Variants in PRKN observed in about 807,000 individuals in gnomAD.
PRKN encodes the protein E3 ubiquitin-protein ligase parkin.
PRKN carries 56 observed loss-of-function variants against 59.5 expected under a neutral mutation model. That is an observed-to-expected ratio of 0.94 (90% CI 0.76 to 1.18). The LOEUF (loss-of-function observed/expected upper bound fraction) is 1.18, where lower values mean the gene tolerates loss of function less well. PRKN is among the 50% of genes most tolerant of loss of function. The pLI, the probability that PRKN is intolerant of heterozygous loss-of-function variation, is 0.00. For missense variants in PRKN, 657 were observed against 596.4 expected (o/e 1.10, Z -1.06); for synonymous variants, 250 against 222.1 (o/e 1.13, Z -1.12).
chr6:161,584,525 T>G lies in PRKN; in HGVS notation c.872-15109A>C, dbSNP rs1781456526. On this transcript the variant is annotated intron_variant, in intron 7 of 11. Coordinates refer to ENST00000366898, the MANE Select transcript of PRKN (RefSeq NM_004562.3). The surrounding 1 kb of genome is among the most constrained non-coding windows in gnomAD (Gnocchi z 4.8). The stretch of plus-strand genomic sequence containing the variant: ...GCTGGCCTGTTATTAGAAGAAAATC[T>G]TTTAACATATCCCCCTTACACTTGC... Among the ~76,000 whole-genome samples, 2 of 152,242 alleles carry G rather than the reference T, an allele frequency of 1.3e-5. No homozygotes were observed. The highest frequency in any genetic ancestry group is 6.5e-5 in the Admixed American group (1 of 15,276).
chr6:161,588,244 C>T lies in PRKN; in HGVS notation c.872-18828G>A, dbSNP rs973179989. Among the ~76,000 whole-genome samples, 3 of 151,980 alleles carry T rather than the reference C, an allele frequency of 2.0e-5. No individual in the cohort carries two copies. The highest frequency in any genetic ancestry group is 4.8e-5 in the African/African-American group (2 of 41,382). On this transcript the variant is annotated intron_variant, in intron 7 of 11. Transcript: ENST00000366898. This position sits in a 1 kb window ranked among gnomAD's most constrained non-coding sequence, Gnocchi z 5.0. ...ACTAAAAATGCAAAAATCAGCCAGG[C>T]GTGGTGGCTCATGCCTATAATCCCA...
At chr6:162,336,927 C>G (rs1783871763) in intron 2 of PRKN, among the ~76,000 whole-genome samples, 1 of 152,168 alleles carries the variant, frequency 6.6e-6, no homozygotes, top group East Asian at 1.9e-4. Flanking sequence ...GAGAACATAT[C>G]TACTCTCAGA....
At chr6:161,699,243 G>A (rs1786149246) in intron 7 of PRKN, among the ~76,000 whole-genome samples, 1 of 152,146 alleles carries the variant, frequency 6.6e-6, no homozygotes, top group Non-Finnish European at 1.5e-5. Flanking sequence ...TGGAGGAAAT[G>A]GAACCCTGAT....
At chr6:162,340,500 A>G (rs6926154) in intron 2 of PRKN, among the ~76,000 whole-genome samples, 1,856 of 152,312 alleles carry the variant, frequency 0.012, 37 homozygotes, top group African/African-American at 0.042. Context: ...CTGAAAATTA[A>G]CTGTGTAGTT....
intron 6 of PRKN, among the ~76,000 whole-genome samples, chr6:161,810,728 T>C (rs1219149785): frequency 6.6e-6 from 1 of 152,198 alleles, no homozygotes; most frequent in Non-Finnish European, 1.5e-5. Context: ...GACAAGTAAT[T>C]ATTAAGCATA....
chr6:162,165,776 T>C lies in PRKN; in HGVS notation c.534+35355A>G, dbSNP rs151013348. 2.6e-4 allele frequency among the ~76,000 whole-genome samples: 33 copies of C among 128,356 alleles called. 2 individuals are homozygous for C. Among genetic ancestry groups the C allele is most frequent in the East Asian group, 6.1e-4 (3 of 4,952 alleles). The allele number at this position is 128,356 out of a possible 152,430, so 84.2% of individuals were successfully genotyped here. A position where few individuals can be genotyped will look rare whatever the true frequency, so the allele number is the denominator to read the frequency against. The stretch of plus-strand genomic sequence containing the variant: ...TACTCAAGAGAAGTGAGGCCGAGTG[T>C]GGTGGCTCATGCCTGTAATCTCAGC... On this transcript the variant is annotated intron_variant, in intron 4 of 11. Transcript: ENST00000366898.
chr6:162,554,581 C>T (rs968167215), intron 1 of PRKN, among the ~76,000 whole-genome samples: 1 of 151,038 alleles, frequency 6.6e-6, no homozygotes, highest in Non-Finnish European at 1.5e-5. Context: ...GATAAACATC[C>T]TCAGTGAGGT....
At chr6:162,099,416 C>T (rs1158062570) in intron 4 of PRKN, among the ~76,000 whole-genome samples, 1 of 152,194 alleles carries the variant, frequency 6.6e-6, no homozygotes, top group African/African-American at 2.4e-5. Context: ...TTGACAGAAG[C>T]GTACCCCTCC....
At chr6:161,956,887 T>C (rs775673903) in intron 6 of PRKN, among the ~76,000 whole-genome samples, 3 of 152,156 alleles carry the variant, frequency 2.0e-5, no homozygotes, top group Non-Finnish European at 4.4e-5. Flanking sequence ...TAGCTATTAG[T>C]GATTTGAAAG....
intron 5 of PRKN, among the ~76,000 whole-genome samples, chr6:161,978,267 G>A (rs1781129896): frequency 6.6e-6 from 1 of 151,994 alleles, no homozygotes; most frequent in African/African-American, 2.4e-5. Flanking sequence ...ATCAGCTGAT[G>A]TCAAACTCCA....
intron 1 of PRKN, among the ~76,000 whole-genome samples, chr6:162,613,313 A>G (rs531553342): frequency 8.5e-5 from 13 of 152,326 alleles, no homozygotes; most frequent in Admixed American, 2.6e-4. Context: ...TTTTTAGGGA[A>G]TAGAGAATAA....
chr6:161,864,085 G>A (rs1794014371), intron 6 of PRKN, among the ~76,000 whole-genome samples: 1 of 152,146 alleles, frequency 6.6e-6, no homozygotes, highest in East Asian at 1.9e-4. Context: ...GACTATAGTG[G>A]TTCCATACAA....
chr6:162,234,517 A>G (rs1420991051), intron 3 of PRKN, among the ~76,000 whole-genome samples: 2 of 152,182 alleles, frequency 1.3e-5, no homozygotes, highest in Admixed American at 6.5e-5. Flanking sequence ...GACGGTCTGC[A>G]GACACTCAAG....
In PRKN at chr6:161,459,292, T is replaced by C. The variant is rs1790104740; in HGVS notation, c.1084-72415A>G. Among the ~76,000 whole-genome samples, 1 of 152,252 alleles carries C rather than the reference T, an allele frequency of 6.6e-6. No individual in the cohort carries two copies. The highest frequency in any genetic ancestry group is 1.5e-5 in the Non-Finnish European group (1 of 68,042). On this transcript the variant is annotated intron_variant, in intron 9 of 11. Coordinates refer to ENST00000366898, the MANE Select transcript of PRKN (RefSeq NM_004562.3). The surrounding 1 kb of genome is among the most constrained non-coding windows in gnomAD (Gnocchi z 4.8). Reference sequence around the variant, plus strand: ...GCAACCTAAAGGAAATGCTGTGGTCTCTCTCTTAAGAATGAGAACATTCTC... The same window carrying C: ...GCAACCTAAAGGAAATGCTGTGGTCCCTCTCTTAAGAATGAGAACATTCTC...
chr6:162,352,858 A>G (rs1184634374), intron 2 of PRKN, among the ~76,000 whole-genome samples: 1 of 152,148 alleles, frequency 6.6e-6, no homozygotes, highest in Non-Finnish European at 1.5e-5. Context: ...TTTTCCCCAA[A>G]TTTACATGGC....
chr6:161,733,764 G>A (rs1292375353), intron 7 of PRKN, among the ~76,000 whole-genome samples: 6 of 93,410 alleles, frequency 6.4e-5, no homozygotes, highest in African/African-American at 2.4e-4. Context: ...AAAATTCCCA[G>A]GGGGTGAAAA....
chr6:162,463,027 C>G (rs75171290), intron 1 of PRKN, among the ~76,000 whole-genome samples: 1 of 151,830 alleles, frequency 6.6e-6, no homozygotes, highest in African/African-American at 2.4e-5. Context: ...TGAGATCGCA[C>G]CATTGCACTC....
At chr6:161,793,274 T>C (rs1018593556) in intron 6 of PRKN, among the ~76,000 whole-genome samples, 2 of 152,178 alleles carry the variant, frequency 1.3e-5, no homozygotes, top group Non-Finnish European at 2.9e-5. Flanking sequence ...ATCACAGTCC[T>C]ATTAAGGCAC....
In PRKN at chr6:161,447,489, T is replaced by C. The variant is rs1012073625; in HGVS notation, c.1084-60612A>G. Among the ~76,000 whole-genome samples, 6 of 152,138 alleles carry C rather than the reference T, an allele frequency of 3.9e-5. No homozygotes were observed. Among genetic ancestry groups the C allele is most frequent in the Admixed American group, 3.9e-4 (6 of 15,280 alleles). ...AATAATCTCCCATATTCCTCTGCCA[T>C]CCTTTCTTTCCTTCCTTTCCTTGAG... On this transcript the variant is annotated intron_variant, in intron 9 of 11. Coordinates refer to ENST00000366898, the MANE Select transcript of PRKN (RefSeq NM_004562.3). This position sits in a 1 kb window ranked among gnomAD's most constrained non-coding sequence, Gnocchi z 4.1.
Sources: gnomAD v4.1 joint callset for allele counts (sites outside exome capture counted in the v4.1 genomes callset) on GRCh38, gnomAD v4.1.1 for gene constraint, Gnocchi (gnomAD v3.1) non-coding constraint, MANE v1.5 for transcripts, NCBI Gene and HGNC (gene_info 2026-07-23, HGNC 2026-07-21) for gene names.